Variants in HERC2 observed in about 807,000 individuals in gnomAD.
HERC2 encodes the protein HECT and RLD domain containing E3 ubiquitin protein ligase 2, also known as E3 ubiquitin-protein ligase HERC2.
A neutral mutation model predicts 537.7 loss-of-function variants in HERC2; 102 were observed. The ratio of observed to expected loss-of-function variants is 0.19; its 90% CI spans 0.16 to 0.22. HERC2 has a LOEUF of 0.22. Ranked by LOEUF, HERC2 falls within the 10% of genes least tolerant of loss-of-function variation. The pLI, the probability that HERC2 is intolerant of heterozygous loss-of-function variation, is 1.00. For synonymous variants in HERC2, 2,224 were observed against 2,466.2 expected (o/e 0.90, Z 2.91); for missense variants, 4,236 against 6,198.2 (o/e 0.68, Z 10.63).
At chr15:28,190,067 G>A (rs1205190031) in intron 55 of HERC2, 1 of 147,780 alleles carries the variant, frequency 6.8e-6, no homozygotes, top group Non-Finnish European at 1.5e-5. Flanking sequence ...GGAGTGCAGT[G>A]GCACGATCTC....
intron 52 of HERC2, among the ~76,000 whole-genome samples, chr15:28,193,539 A>G (rs565510753): frequency 9.3e-4 from 141 of 152,344 alleles, no homozygotes; most frequent in African/African-American, 3.2e-3. Flanking sequence ...AAGAGAATAG[A>G]GCAGAGGCAA....
chr15:28,233,876 C>T (rs1364074136), intron 27 of HERC2, 80 bp from the exon 28 acceptor site: 11 of 1,370,148 alleles, frequency 8.0e-6, no homozygotes, highest in East Asian at 2.3e-5. Flanking sequence ...CAGCTTCTGA[C>T]GCACTTGCAA....
intron 4 of HERC2, among the ~76,000 whole-genome samples, chr15:28,284,093 T>C (rs2076092553): frequency 1.3e-5 from 2 of 152,160 alleles, no homozygotes; most frequent in African/African-American, 4.8e-5. Flanking sequence ...TCGTGCTAAG[T>C]ACTTATGAAT....
At chr15:28,161,514 G>A (rs551170313) in intron 69 of HERC2, among the ~76,000 whole-genome samples, 23 of 152,312 alleles carry the variant, frequency 1.5e-4, no homozygotes, top group Admixed American at 1.3e-3. Context: ...CGGCCTTTAC[G>A]ACTGATCAGT....
chr15:28,311,798 A>G (rs2076953011), intron 2 of HERC2, among the ~76,000 whole-genome samples: 1 of 152,114 alleles, frequency 6.6e-6, no homozygotes, highest in South Asian at 2.1e-4. Flanking sequence ...ATCGCCCCAG[A>G]CTGGCTGGGC....
chr15:28,181,485 A>C (rs1443176823), intron 57 of HERC2, among the ~76,000 whole-genome samples: 3 of 152,234 alleles, frequency 2.0e-5, no homozygotes, highest in Non-Finnish European at 4.4e-5. Context: ...AGTTCAAATG[A>C]ATGAGTTCTA....
intron 5 of HERC2, among the ~76,000 whole-genome samples, chr15:28,279,141 G>A (rs2141042066): frequency 6.6e-6 from 1 of 152,222 alleles, no homozygotes; most frequent in African/African-American, 2.4e-5. Flanking sequence ...ACAGGCATGA[G>A]CCACCAAGCC....
chr15:28,316,838 G>A (rs1328359757), intron 2 of HERC2, among the ~76,000 whole-genome samples: 2 of 152,124 alleles, frequency 1.3e-5, no homozygotes, highest in East Asian at 1.9e-4. Context: ...GTGCAGTGGC[G>A]CGATCTCGGC....
Position 28,270,702 on chromosome 15 carries a change from G to A in HERC2, c.1250C>T (p.Ser417Phe). ...CGGTTCTTGCACACACACCTTATGA[G>A]ATGTCGGAGAGCTACACAGCGGAGG... ...CMPPLCSSPT[S>F]HKGSLQEVIG... Residue 417 changes from serine (S) to phenylalanine (F), a missense_variant, in exon 10 of 93, where the codon TCT (serine) becomes TTT (phenylalanine). Transcript: ENST00000261609. 6.2e-7 allele frequency: 1 copy of A among 1,613,864 alleles called. No homozygotes were observed. Among genetic ancestry groups the A allele is most frequent in the Admixed American group, 1.7e-5 (1 of 60,006 alleles).
At chr15:28,285,835 C>T (rs1233494782) in intron 4 of HERC2, among the ~76,000 whole-genome samples, 1 of 139,614 alleles carries the variant, frequency 7.2e-6, no homozygotes, top group Non-Finnish European at 1.5e-5. Context: ...AAATTACCAA[C>T]ATTAGTGATG....
chr15:28,223,746 T>TA (rs1900778534), intron 35 of HERC2, among the ~76,000 whole-genome samples: 1 of 152,220 alleles, frequency 6.6e-6, no homozygotes, highest in African/African-American at 2.4e-5. Flanking sequence ...TATATGCTTA[T>TA]GATTTCTTAA....
At chr15:28,301,731 A>ATGTGTG (rs1202140643) in intron 2 of HERC2, among the ~76,000 whole-genome samples, 32 of 21,578 alleles carry the variant, frequency 1.5e-3, no homozygotes, top group Admixed American at 2.6e-3. Flanking sequence ...AGTTGTATGT[A>ATGTGTG]TGTGTATATA....
chr15:28,123,892 A>T, intron 85 of HERC2, 145 bp downstream of exon 85: 1 of 569,572 alleles, frequency 1.8e-6, no homozygotes, highest in South Asian at 4.2e-5. Context: ...TACCCAGAAC[A>T]GAGCCTGGCA....
chr15:28,294,896 A>C (rs545407880), intron 3 of HERC2, among the ~76,000 whole-genome samples: 2 of 152,180 alleles, frequency 1.3e-5, no homozygotes, highest in East Asian at 3.9e-4. Flanking sequence ...CTAGGGTTAT[A>C]AACAGAACTT....
intron 14 of HERC2, among the ~76,000 whole-genome samples, chr15:28,264,076 G>A (rs1161613350): frequency 6.7e-6 from 1 of 150,148 alleles, no homozygotes; most frequent in South Asian, 2.1e-4. Context: ...ACGTAAAGGT[G>A]AAAACTGTAA....
chr15:28,144,863 CCTT>C, intron 71 of HERC2, 59 bp from the exon 72 acceptor site: 1 of 1,607,072 alleles, frequency 6.2e-7, no homozygotes, highest in Non-Finnish European at 8.5e-7. Context: ...TCAACACAAA[CCTT>C]CTTAGACGCA....
At chr15:28,241,995 G>T (rs1049825754) in intron 23 of HERC2, among the ~76,000 whole-genome samples, 3 of 152,158 alleles carry the variant, frequency 2.0e-5, no homozygotes, top group Admixed American at 1.3e-4. Flanking sequence ...ACCTTAAAAT[G>T]TAAGGACATT....
chr15:28,187,107 G>C (rs1348650779), intron 55 of HERC2, among the ~76,000 whole-genome samples: 1 of 152,152 alleles, frequency 6.6e-6, no homozygotes, highest in African/African-American at 2.4e-5. Flanking sequence ...TAAATGTCAG[G>C]TAGTAACAGA....
chr15:28,255,835 G>C, intron 19 of HERC2, 37 bp downstream of exon 19: 3 of 1,589,898 alleles, frequency 1.9e-6, no homozygotes, highest in East Asian at 2.2e-5. Flanking sequence ...TCTGATCTCA[G>C]TGCACCACCA....
Sources: gnomAD v4.1 joint callset for allele counts (sites outside exome capture counted in the v4.1 genomes callset) on GRCh38, gnomAD v4.1.1 for gene constraint, MANE v1.5 for transcripts, NCBI Gene and HGNC (gene_info 2026-07-23, HGNC 2026-07-21) for gene names.